SEPTIN10: variants seen among roughly 807,000 people sequenced by gnomAD.
SEPTIN10 encodes the protein septin 10, also known as septin-10.
In SEPTIN10, 66 loss-of-function variants were observed where a neutral mutation model predicts 54.8. That is an observed-to-expected ratio of 1.21 (90% CI 0.99 to 1.48). The LOEUF (loss-of-function observed/expected upper bound fraction) is 1.48, where lower values mean the gene tolerates loss of function less well. Ranked by LOEUF, SEPTIN10 falls within the 40% of genes most tolerant of loss-of-function variation. The pLI is 0.00. For synonymous variants in SEPTIN10, 161 were observed against 181.0 expected (o/e 0.89, Z 0.89); for missense variants, 620 against 545.6 (o/e 1.14, Z -1.36).
Position 109,613,786 on chromosome 2 carries a change from G to A in SEPTIN10, c.30+12C>T, listed in dbSNP as rs1475608622. The A allele has an allele frequency of 4.9e-6, 6 of 1,226,894 alleles. No individual in the cohort carries two copies. The highest frequency in any genetic ancestry group is 2.0e-6 in the Non-Finnish European group (2 of 984,912). The allele number at this position is 1,226,894 out of a possible 1,614,324, so 76.0% of individuals were successfully genotyped here. A position where few individuals can be genotyped will look rare whatever the true frequency, so the allele number is the denominator to read the frequency against. On this transcript the variant is annotated intron_variant, in intron 1 of 10. Coordinates refer to ENST00000397712, the MANE Select transcript of SEPTIN10 (RefSeq NM_144710.5). The stretch of plus-strand genomic sequence containing the variant: ...AGCGCGGGGCTGGGGCCCCGGCGTC[G>A]GCGGGACTCACCAGGTGCCGCGCCA...
At chr2:109,549,650 C>G (rs529331505) in intron 9 of SEPTIN10, among the ~76,000 whole-genome samples, 2 of 152,172 alleles carry the variant, frequency 1.3e-5, no homozygotes, top group African/African-American at 4.8e-5. Flanking sequence ...CAGTATGGTA[C>G]GATAGTCCCC....
At chr2:109,573,961 A>C (rs1332638260) in intron 5 of SEPTIN10, among the ~76,000 whole-genome samples, 1 of 152,206 alleles carries the variant, frequency 6.6e-6, no homozygotes, top group Non-Finnish European at 1.5e-5. Flanking sequence ...TAATAGTGGC[A>C]TAAAGTAAAA....
intron 8 of SEPTIN10, among the ~76,000 whole-genome samples, chr2:109,554,914 T>A (rs947424776): frequency 6.6e-6 from 1 of 152,186 alleles, no homozygotes; most frequent in Non-Finnish European, 1.5e-5. Context: ...CATCTTTCAC[T>A]CTTCCCTTAC....
At chr2:109,605,186 C>T (rs1384472595) in intron 1 of SEPTIN10, among the ~76,000 whole-genome samples, 1 of 152,122 alleles carries the variant, frequency 6.6e-6, no homozygotes, top group African/African-American at 2.4e-5. Context: ...TTCATCAAGC[C>T]AGTCAGGCTT....
intron 2 of SEPTIN10, among the ~76,000 whole-genome samples, chr2:109,592,041 C>A (rs1212704870): frequency 2.0e-5 from 3 of 152,192 alleles, no homozygotes; most frequent in African/African-American, 7.2e-5. Context: ...AAACCCCTCC[C>A]CACAGACCCT....
At chr2:109,566,246 G>A (rs1354832424) in intron 6 of SEPTIN10, among the ~76,000 whole-genome samples, 1 of 151,864 alleles carries the variant, frequency 6.6e-6, no homozygotes. Context: ...TCAGCCTCCC[G>A]AGTAGCTGGG....
intron 1 of SEPTIN10, chr2:109,605,632 T>A (rs1697772556): frequency 6.6e-6 from 1 of 152,188 alleles, no homozygotes; most frequent in Non-Finnish European, 1.5e-5. Flanking sequence ...TCTGTATAAT[T>A]TTTGTAATCA....
chr2:109,568,078 C>G, intron 5 of SEPTIN10, 102 bp from the exon 6 acceptor site: 1 of 911,590 alleles, frequency 1.1e-6, no homozygotes, highest in Non-Finnish European at 1.6e-6. Flanking sequence ...ATGAATTTCC[C>G]TAAACCTAGA....
intron 1 of SEPTIN10, among the ~76,000 whole-genome samples, chr2:109,608,145 T>C (rs765434111): frequency 6.6e-6 from 1 of 152,232 alleles, no homozygotes; most frequent in Non-Finnish European, 1.5e-5. Context: ...TTTTCAAAAA[T>C]CATTTGAGTA....
At chr2:109,545,400 CT>C (rs1436071746) in intron 10 of SEPTIN10, 6 of 1,535,540 alleles carry the variant, frequency 3.9e-6, no homozygotes, top group Non-Finnish European at 5.2e-6. Context: ...ACCTACACGC[CT>C]TGCGATTATC....
intron 5 of SEPTIN10, 22 bp downstream of exon 5, chr2:109,574,559 T>C (rs1689182299): frequency 1.4e-6 from 2 of 1,439,862 alleles, no homozygotes; most frequent in Middle Eastern, 1.9e-4. Context: ...GTATGGTAAG[T>C]TGATTCCTTT....
intron 4 of SEPTIN10, among the ~76,000 whole-genome samples, chr2:109,578,737 AGCCTG>A (rs956816167): frequency 6.6e-6 from 1 of 152,168 alleles, no homozygotes; most frequent in Non-Finnish European, 1.5e-5. Context: ...ACTGCACTCT[AGCCTG>A]GCCAACAAAG....
intron 1 of SEPTIN10, among the ~76,000 whole-genome samples, chr2:109,595,574 G>T (rs1165035780): frequency 7.2e-5 from 11 of 152,096 alleles, no homozygotes; most frequent in African/African-American, 2.7e-4. Context: ...GATCACTGAA[G>T]GCAGGAGTCA....
intron 1 of SEPTIN10, 124 bp downstream of exon 1, chr2:109,613,674 G>A: frequency 1.6e-6 from 1 of 631,434 alleles, no homozygotes; most frequent in Non-Finnish European, 2.2e-6. Flanking sequence ...CACTGGGCGG[G>A]CGGGGCCGGA....
At chr2:109,613,599 G>C (rs1052379106) in intron 1 of SEPTIN10, 199 bp downstream of exon 1, 16 of 298,096 alleles carry the variant, frequency 5.4e-5, no homozygotes, top group African/African-American at 2.9e-4. Flanking sequence ...GGGTCCGGCC[G>C]CGCCCAGGCT....
intron 4 of SEPTIN10, among the ~76,000 whole-genome samples, chr2:109,584,537 T>C (rs952129548): frequency 9.9e-5 from 15 of 151,702 alleles, no homozygotes; most frequent in South Asian, 4.2e-4. Flanking sequence ...CAAAAAGTTA[T>C]TGCTTTACCA....
At chr2:109,592,186 C>T (rs893069947) in intron 2 of SEPTIN10, among the ~76,000 whole-genome samples, 19 of 152,062 alleles carry the variant, frequency 1.2e-4, no homozygotes, top group South Asian at 8.3e-4. Context: ...AAATAACGGC[C>T]GGGCGTGGTG....
intron 8 of SEPTIN10, among the ~76,000 whole-genome samples, chr2:109,556,897 ATT>A (rs1387975873): frequency 6.6e-6 from 1 of 152,202 alleles, no homozygotes; most frequent in Non-Finnish European, 1.5e-5. Flanking sequence ...GGAAATCATC[ATT>A]CTCAGCAAAC....
intron 1 of SEPTIN10, among the ~76,000 whole-genome samples, chr2:109,603,211 A>G (rs1231705187): frequency 6.6e-6 from 1 of 152,096 alleles, no homozygotes; most frequent in Non-Finnish European, 1.5e-5. Flanking sequence ...ACAAATGTAC[A>G]TAATGTTATT....
Sources: gnomAD v4.1 joint callset for allele counts (sites outside exome capture counted in the v4.1 genomes callset) on GRCh38, gnomAD v4.1.1 for gene constraint, MANE v1.5 for transcripts, NCBI Gene and HGNC (gene_info 2026-07-23, HGNC 2026-07-21) for gene names.